The following GPR158 variants were observed in gnomAD, a reference collection of about 807,000 sequenced individuals.
GPR158 encodes the protein G protein-coupled receptor 158.
A neutral mutation model predicts 78.2 loss-of-function variants in GPR158; 30 were observed. The ratio of observed to expected loss-of-function variants is 0.38; its 90% CI spans 0.29 to 0.52. GPR158 has a LOEUF of 0.52. Among genes scored for constraint, GPR158 ranks in the 20% least tolerant of loss-of-function variants. GPR158 has a pLI of 0.83. For synonymous variants in GPR158, 581 were observed against 591.1 expected (o/e 0.98, Z 0.25); for missense variants, 1,463 against 1,523.5 (o/e 0.96, Z 0.66).
At chr10:25,338,412 G>T (rs890819738) in intron 2 of GPR158, among the ~76,000 whole-genome samples, 1 of 138,956 alleles carries the variant, frequency 7.2e-6, no homozygotes, top group Non-Finnish European at 1.5e-5. Flanking sequence ...TATATATAAC[G>T]TATTATATAT....
chr10:25,358,628 A>G (rs1326803790), intron 2 of GPR158, among the ~76,000 whole-genome samples: 2 of 152,030 alleles, frequency 1.3e-5, no homozygotes, highest in Non-Finnish European at 2.9e-5. Context: ...CATGATTGTG[A>G]GGTCTCCCTA....
chr10:25,570,002 C>A (rs1361226797), intron 6 of GPR158, among the ~76,000 whole-genome samples: 2 of 152,108 alleles, frequency 1.3e-5, no homozygotes, highest in Non-Finnish European at 2.9e-5. Context: ...TTATGTTTTT[C>A]TGCCCTTGCC....
chr10:25,518,220 C>A (rs1483517933), intron 5 of GPR158, among the ~76,000 whole-genome samples: 1 of 84,308 alleles, frequency 1.2e-5, no homozygotes, highest in African/African-American at 6.3e-5. Flanking sequence ...GTGGTGATAT[C>A]CCCTTTATCA....
chr10:25,190,252 G>A (rs1852754888), intron 1 of GPR158, among the ~76,000 whole-genome samples: 1 of 152,074 alleles, frequency 6.6e-6, no homozygotes, highest in Non-Finnish European at 1.5e-5. Flanking sequence ...GATTCAACTA[G>A]AAGTTGTTCA....
intron 2 of GPR158, among the ~76,000 whole-genome samples, chr10:25,297,696 C>T (rs1047400544): frequency 5.3e-5 from 8 of 152,186 alleles, no homozygotes; most frequent in Admixed American, 1.3e-4. Context: ...AGGCAACATA[C>T]TTATCAGTGG....
chr10:25,390,805 T>C (rs764998693), intron 2 of GPR158, among the ~76,000 whole-genome samples: 5 of 152,134 alleles, frequency 3.3e-5, no homozygotes, highest in African/African-American at 1.2e-4. Context: ...ATGCAGAAAT[T>C]TGCTTAATCA....
intron 4 of GPR158, among the ~76,000 whole-genome samples, chr10:25,428,262 G>A (rs1834850635): frequency 1.3e-5 from 2 of 151,864 alleles, no homozygotes; most frequent in African/African-American, 4.8e-5. Flanking sequence ...TGTCACTTGA[G>A]AGTTAAGAGA....
At chr10:25,596,305 G>C (rs527831333) in intron 9 of GPR158, among the ~76,000 whole-genome samples, 2 of 152,208 alleles carry the variant, frequency 1.3e-5, no homozygotes, top group African/African-American at 4.8e-5. Context: ...GCATCTGTGG[G>C]TCTCACAAAC....
intron 7 of GPR158, among the ~76,000 whole-genome samples, chr10:25,581,399 C>T (rs1265323417): frequency 3.9e-5 from 6 of 152,128 alleles, no homozygotes; most frequent in African/African-American, 7.2e-5. Context: ...AGGATAGAAG[C>T]CTGACCACAT....
chr10:25,563,645 A>T (rs770682095), intron 6 of GPR158, among the ~76,000 whole-genome samples: 3 of 152,168 alleles, frequency 2.0e-5, no homozygotes, highest in Non-Finnish European at 2.9e-5. Context: ...CCCTAAATTT[A>T]TAACAGTTTA....
chr10:25,428,585 T>G (rs1834853901), intron 4 of GPR158, among the ~76,000 whole-genome samples: 1 of 151,972 alleles, frequency 6.6e-6, no homozygotes, highest in Non-Finnish European at 1.5e-5. Context: ...AATCCACAAA[T>G]AGGAATCATA....
At chr10:25,263,849 A>T (rs1854002768) in intron 2 of GPR158, among the ~76,000 whole-genome samples, 1 of 152,190 alleles carries the variant, frequency 6.6e-6, no homozygotes, top group South Asian at 2.1e-4. Flanking sequence ...AGGCAGGAGA[A>T]TTGCTTGAAC....
intron 6 of GPR158, among the ~76,000 whole-genome samples, chr10:25,556,053 G>A (rs1416331682): frequency 6.6e-6 from 1 of 152,152 alleles, no homozygotes; most frequent in Non-Finnish European, 1.5e-5. Flanking sequence ...ATGCAGCTTA[G>A]CTTGTGACAA....
intron 2 of GPR158, among the ~76,000 whole-genome samples, chr10:25,300,044 C>T (rs1854569711): frequency 1.3e-5 from 2 of 152,162 alleles, no homozygotes; most frequent in Admixed American, 6.5e-5. Context: ...AGGTGTGAGC[C>T]ACCATGCCCA....
Position 25,295,514 on chromosome 10 carries a change from C to T in GPR158, c.1008+74357C>T, listed in dbSNP as rs112861440. On this transcript the variant is annotated intron_variant, in intron 2 of 10. Transcript: ENST00000376351. ...CTGCAAGCTCCACCTCCCGGGTTCA[C>T]GCCATTCTCCTGCCTCAGCCTCCCG... 8.9e-3 allele frequency among the ~76,000 whole-genome samples: 1,359 copies of T among 152,156 alleles called. 19 individuals carry two copies. Among genetic ancestry groups the T allele is most frequent in the African/African-American group, 0.03 (1,243 of 41,520 alleles).
chr10:25,297,246 C>T (rs1175732761), intron 2 of GPR158, among the ~76,000 whole-genome samples: 1 of 152,182 alleles, frequency 6.6e-6, no homozygotes, highest in Non-Finnish European at 1.5e-5. Flanking sequence ...TTCTCAGTCT[C>T]TCTGAGCCTC....
At chr10:25,281,050 G>A (rs907893768) in intron 2 of GPR158, among the ~76,000 whole-genome samples, 4 of 150,920 alleles carry the variant, frequency 2.7e-5, no homozygotes, top group Admixed American at 2.0e-4. Context: ...CACAAGAATC[G>A]CTTGAACCTT....
chr10:25,241,382 T>TTTTCTTTTC (rs1212778565), intron 2 of GPR158, among the ~76,000 whole-genome samples: 14 of 129,048 alleles, frequency 1.1e-4, no homozygotes, highest in African/African-American at 4.7e-4. Context: ...CTCTCTTCTC[T>TTTTCTTTTC]TCTCTTCTCT....
Position 25,176,875 on chromosome 10 carries a change from A to G in GPR158, c.902+553A>G, listed in dbSNP as rs1431436294. 1.3e-5 allele frequency among the ~76,000 whole-genome samples: 2 copies of G among 152,206 alleles called. No individual in the cohort carries two copies. The highest frequency in any genetic ancestry group is 4.8e-5 in the African/African-American group (2 of 41,458). On this transcript the variant is annotated intron_variant, in intron 1 of 10. Transcript: ENST00000376351. The surrounding 1 kb of genome is among the most constrained non-coding windows in gnomAD (Gnocchi z 6.3). Reference sequence around the variant, plus strand: ...AATTAAAACTGTGCCATCTCCTCGCAGTTCCGGCCCCTCAGCAGTGAGTCA... The same window carrying G: ...AATTAAAACTGTGCCATCTCCTCGCGGTTCCGGCCCCTCAGCAGTGAGTCA...
Sources: gnomAD v4.1 joint callset for allele counts (sites outside exome capture counted in the v4.1 genomes callset) on GRCh38, gnomAD v4.1.1 for gene constraint, Gnocchi (gnomAD v3.1) non-coding constraint, MANE v1.5 for transcripts, NCBI Gene and HGNC (gene_info 2026-07-23, HGNC 2026-07-21) for gene names.